KLF12: variants seen among roughly 807,000 people sequenced by gnomAD.
KLF12 encodes the protein KLF transcription factor 12.
Under a neutral mutation model 37.8 loss-of-function variants are expected in KLF12, and 9 were observed. The observed-to-expected ratio is 0.24, with a 90% CI of 0.14 to 0.42. The LOEUF (loss-of-function observed/expected upper bound fraction) is 0.42. KLF12 is among the 10% of genes least tolerant of loss of function. The pLI is 1.00. For synonymous variants in KLF12, 208 were observed against 202.1 expected (o/e 1.03, Z -0.25); for missense variants, 411 against 516.0 (o/e 0.80, Z 1.97).
At chr13:74,270,512 A>G in the KLF12 span, among the ~76,000 whole-genome samples, 2 of 152,268 alleles carry the variant, frequency 1.3e-5, no homozygotes, top group Non-Finnish European at 2.9e-5. Context: ...TGCTACAGGC[A>G]TGAAGCATAC....
the KLF12 span, among the ~76,000 whole-genome samples, chr13:74,294,744 C>A: frequency 3.3e-5 from 5 of 152,102 alleles, no homozygotes; most frequent in African/African-American, 7.2e-5. Context: ...GGTAACCAAG[C>A]CATTTTGAGT....
intron 3 of KLF12, among the ~76,000 whole-genome samples, chr13:73,887,338 G>T (rs1887278971): frequency 6.6e-6 from 1 of 152,188 alleles, no homozygotes; most frequent in African/African-American, 2.4e-5. Context: ...GTTAGAGCTA[G>T]GGCCTGGTGG....
At chr13:73,769,585 C>A (rs892331004) in intron 5 of KLF12, among the ~76,000 whole-genome samples, 1 of 152,142 alleles carries the variant, frequency 6.6e-6, no homozygotes, top group African/African-American at 2.4e-5. Context: ...AACTGAGCTA[C>A]CATCATGACC....
At chr13:73,804,070 T>C (rs145522285) in intron 5 of KLF12, among the ~76,000 whole-genome samples, 35 of 152,284 alleles carry the variant, frequency 2.3e-4, no homozygotes, top group Non-Finnish European at 4.3e-4. Context: ...AATCCTGACC[T>C]ACCTCTCCAA....
chr13:74,173,396 C>G, the KLF12 span, among the ~76,000 whole-genome samples: 1 of 152,172 alleles, frequency 6.6e-6, no homozygotes, highest in Admixed American at 6.5e-5. Context: ...CCTTTCCCAG[C>G]CCTTCTTGCA....
At chr13:73,798,268 C>T (rs1047393071) in intron 5 of KLF12, among the ~76,000 whole-genome samples, 3 of 152,062 alleles carry the variant, frequency 2.0e-5, no homozygotes, top group Non-Finnish European at 2.9e-5. Context: ...CAAAAATTAA[C>T]TGAAGATGGA....
chr13:73,810,597 A>G (rs1187494483), intron 5 of KLF12, among the ~76,000 whole-genome samples: 1 of 151,846 alleles, frequency 6.6e-6, no homozygotes, highest in Non-Finnish European at 1.5e-5. Context: ...TAGTCACTAC[A>G]GTTCCAAACT....
At chr13:74,157,195 G>A in the KLF12 span, among the ~76,000 whole-genome samples, 1 of 152,076 alleles carries the variant, frequency 6.6e-6, no homozygotes, top group African/African-American at 2.4e-5. Flanking sequence ...AGAGATATTT[G>A]CTTTATTTAG....
At chr13:73,745,601 G>T (rs1414938309) in intron 6 of KLF12, among the ~76,000 whole-genome samples, 1 of 152,004 alleles carries the variant, frequency 6.6e-6, no homozygotes, top group Non-Finnish European at 1.5e-5. Context: ...CACACACCAG[G>T]TCAAAATACT....
the KLF12 span, among the ~76,000 whole-genome samples, chr13:74,186,048 T>C: frequency 6.6e-6 from 1 of 152,178 alleles, no homozygotes; most frequent in Admixed American, 6.5e-5. Flanking sequence ...AATGGAATAC[T>C]TTAGAGTACT....
chr13:74,257,242 G>A, the KLF12 span: 1 of 152,280 alleles, frequency 6.6e-6, no homozygotes, highest in Non-Finnish European at 1.5e-5. Context: ...AGATATAGAA[G>A]AGACTGGTGC....
intron 2 of KLF12, among the ~76,000 whole-genome samples, chr13:73,971,014 C>G (rs947879783): frequency 1.3e-5 from 2 of 152,184 alleles, no homozygotes; most frequent in South Asian, 2.1e-4. Flanking sequence ...GAAAAGTTGT[C>G]AGTAGTTTTC....
intron 3 of KLF12, among the ~76,000 whole-genome samples, chr13:73,942,097 A>C (rs1177893969): frequency 2.6e-5 from 4 of 152,200 alleles, no homozygotes. Context: ...TGTGCACCTA[A>C]ATATTTCAGG....
chr13:74,143,523 T>G, the KLF12 span, among the ~76,000 whole-genome samples: 3 of 152,320 alleles, frequency 2.0e-5, no homozygotes, highest in African/African-American at 7.2e-5. Flanking sequence ...TAATAATTAA[T>G]TTAATCTTCG....
intron 4 of KLF12, chr13:73,844,585 G>A (rs4142836): frequency 0.19 from 29,635 of 152,088 alleles, 3,561 homozygotes; most frequent in East Asian, 0.51. Flanking sequence ...CTTATTTCAC[G>A]TGTGATAAAG....
chr13:74,297,908 T>C, the KLF12 span, among the ~76,000 whole-genome samples: 1 of 152,164 alleles, frequency 6.6e-6, no homozygotes, highest in Non-Finnish European at 1.5e-5. Context: ...TAAGAATTCA[T>C]TGAGGAAAAT....
intron 2 of KLF12, among the ~76,000 whole-genome samples, chr13:73,956,006 T>A (rs1455855188): frequency 6.6e-6 from 1 of 152,216 alleles, no homozygotes; most frequent in Non-Finnish European, 1.5e-5. Flanking sequence ...TGCATGTACA[T>A]AAATAAATTA....
At chr13:74,092,512 T>C (rs1875733118) in intron 1 of KLF12, among the ~76,000 whole-genome samples, 1 of 150,932 alleles carries the variant, frequency 6.6e-6, no homozygotes, top group African/African-American at 2.4e-5. Flanking sequence ...CAATCCCAAC[T>C]ACTTGGGAGG....
chr13:74,107,789 G>A (rs1028724485), intron 1 of KLF12, among the ~76,000 whole-genome samples: 1 of 152,198 alleles, frequency 6.6e-6, no homozygotes, highest in African/African-American at 2.4e-5. Context: ...GTCAGAGCAG[G>A]AATCGATGAA....
Sources: gnomAD v4.1 joint callset for allele counts (sites outside exome capture counted in the v4.1 genomes callset) on GRCh38, gnomAD v4.1.1 for gene constraint, MANE v1.5 for transcripts, NCBI Gene and HGNC (gene_info 2026-07-23, HGNC 2026-07-21) for gene names.